The following STT3A variants were observed in gnomAD, a reference collection of about 807,000 sequenced individuals.
STT3A encodes the protein STT3 oligosaccharyltransferase complex catalytic subunit A.
Under a neutral mutation model 89.2 loss-of-function variants are expected in STT3A, and 34 were observed. The ratio of observed to expected loss-of-function variants is 0.38; its 90% CI spans 0.29 to 0.51. STT3A has a LOEUF of 0.51. Ranked by LOEUF, STT3A falls within the 20% of genes least tolerant of loss-of-function variation. The pLI, the probability that STT3A is intolerant of heterozygous loss-of-function variation, is 0.89. For synonymous variants in STT3A, 282 were observed against 310.3 expected, an observed-to-expected ratio of 0.91 and a Z score of 0.96; for missense variants, 555 against 889.5, an observed-to-expected ratio of 0.62 and a Z score of 4.78.
rs1450562484 is a variant in STT3A at position 125,597,062 on chromosome 11, T to G, written c.92T>G (p.Phe31Cys). ...LILSMAAVLS[F>C]STRLFAVLRF... is the part of the protein sequence containing the mutation. ...ATTAACTCTCTGGTTTTTGCAGCCT[T>G]CTCCACTCGTCTGTTTGCTGTCCTG... The change falls in exon 3 of 18, where the codon TTC (phenylalanine) becomes TGC (cysteine). Residue 31 changes from phenylalanine to cysteine, a missense_variant. Coordinates refer to ENST00000392708, the MANE Select transcript of STT3A (RefSeq NM_152713.5). 6.2e-7 allele frequency: 1 copy of G among 1,613,976 alleles called. No individual in the cohort carries two copies. The highest frequency in any genetic ancestry group is 8.5e-7 in the Non-Finnish European group (1 of 1,180,024).
chr11:125,600,063 T>A (rs931846111), intron 3 of STT3A, among the ~76,000 whole-genome samples: 2 of 148,834 alleles, frequency 1.3e-5, no homozygotes, highest in Non-Finnish European at 3.0e-5. Context: ...TTATTAATTT[T>A]TTTTGAGATG....
intron 10 of STT3A, chr11:125,609,816 AT>A (rs1939949021): frequency 2.1e-6 from 1 of 466,272 alleles, no homozygotes; most frequent in Non-Finnish European, 3.7e-6. Flanking sequence ...TTCATTTGTC[AT>A]TTGTGTTATA....
chr11:125,593,616 G>T (rs754087700), intron 1 of STT3A: 28 of 152,232 alleles, frequency 1.8e-4, no homozygotes, highest in Non-Finnish European at 4.0e-4. Context: ...ACGCAGTGGT[G>T]TTAAGTTTGT....
chr11:125,599,719 TTTA>T, intron 3 of STT3A, among the ~76,000 whole-genome samples: 1 of 147,520 alleles, frequency 6.8e-6, no homozygotes, highest in Admixed American at 6.9e-5. Context: ...CTTCTTTATT[TTTA>T]TTTATTATTA....
chr11:125,602,242 G>T, intron 3 of STT3A, 61 bp from the exon 4 acceptor site: 1 of 1,575,868 alleles, frequency 6.3e-7, no homozygotes, highest in South Asian at 1.2e-5. Context: ...ATTTCTCAAT[G>T]GTGTATCCTG....
upstream of STT3A, chr11:125,592,715 A>T (rs191165114): frequency 3.8e-4 from 112 of 295,528 alleles, no homozygotes; most frequent in East Asian, 2.9e-3. Context: ...TGACCAATTA[A>T]AAACTTGAAT....
At chr11:125,617,002 T>A (rs1940199070) in intron 15 of STT3A, among the ~76,000 whole-genome samples, 1 of 152,156 alleles carries the variant, frequency 6.6e-6, no homozygotes, top group African/African-American at 2.4e-5. Context: ...CACTCTTCCA[T>A]TCATAGAGCT....
rs1940077032 is a variant in STT3A, at chr11:125,613,157, C to CATA, written c.1534_1535insATA (p.Leu512delinsHisIle). ...TGACTTCCGAGAAGCATATTATTGG[C>CATA]TTCGTCATAATACTCCAGAGGTGAA... On this transcript the variant is annotated protein_altering_variant, in exon 13 of 18. Transcript: ENST00000392708. The surrounding 1 kb of genome is among the most constrained non-coding windows in gnomAD (Gnocchi z 4.2). The CATA allele has an allele frequency of 6.2e-7, 1 of 1,612,594 alleles. No homozygotes were observed. The highest frequency in any genetic ancestry group is 8.5e-7 in the Non-Finnish European group (1 of 1,179,242).
At chr11:125,602,277 A>G (rs755606418) in intron 3 of STT3A, 26 bp from the exon 4 acceptor site, 3 of 1,604,910 alleles carry the variant, frequency 1.9e-6, no homozygotes, top group African/African-American at 2.7e-5. Context: ...CCACAAATTT[A>G]CAACAAAGTT....
In STT3A at chr11:125,619,992, CT is replaced by C; in HGVS notation, c.1964-14del. Reference sequence around the variant, plus strand: ...TTAGCACTGTAGAAAGAAGTGTGTTCTTTTTCATCCCTCTCTAGAGCGTCCT... The same window carrying C: ...TTAGCACTGTAGAAAGAAGTGTGTTCTTTTCATCCCTCTCTAGAGCGTCCT... On this transcript the variant is annotated intron_variant, in intron 16 of 17. Coordinates refer to ENST00000392708, the MANE Select transcript of STT3A (RefSeq NM_152713.5). The C allele has an allele frequency of 6.2e-7, 1 of 1,605,350 alleles. No homozygotes were observed. Among genetic ancestry groups the C allele is most frequent in the Non-Finnish European group, 8.5e-7 (1 of 1,173,012 alleles).
chr11:125,604,292 C>G, intron 6 of STT3A, 45 bp downstream of exon 6: 1 of 1,588,570 alleles, frequency 6.3e-7, no homozygotes. Context: ...ACCTCATTAT[C>G]CAACAGAGCT....
rs1940011672 is a variant in STT3A at position 125,611,424 on chromosome 11, G to T, written c.1118-4G>T. 1 of 1,612,930 alleles carries T rather than the reference G, an allele frequency of 6.2e-7. No homozygotes were observed. Among genetic ancestry groups the T allele is most frequent in the Non-Finnish European group, 8.5e-7 (1 of 1,179,268 alleles). Reference sequence around the variant, plus strand: ...CTGCTTATTTCTCCTTCCCTCTTTTGTAGTTGGCCTCTATTACTGCTTTAG... The same window carrying T: ...CTGCTTATTTCTCCTTCCCTCTTTTTTAGTTGGCCTCTATTACTGCTTTAG... On this transcript the variant is annotated splice_polypyrimidine_tract_variant and splice_region_variant and intron_variant, in intron 10 of 17. Transcript: ENST00000392708.
intron 12 of STT3A, 26 bp from the exon 13 acceptor site, chr11:125,612,963 A>C: frequency 6.2e-7 from 1 of 1,611,150 alleles, no homozygotes; most frequent in Non-Finnish European, 8.5e-7. Context: ...GGTTAACTAC[A>C]CAATTAATTC....
At chr11:125,612,904 C>T in intron 12 of STT3A, 85 bp from the exon 13 acceptor site, 1 of 1,534,096 alleles carries the variant, frequency 6.5e-7, no homozygotes, top group Non-Finnish European at 8.9e-7. Flanking sequence ...TCAATCTCAT[C>T]TATATGAATG....
In STT3A at chr11:125,605,628, G is replaced by A. The variant is rs1376549449; in HGVS notation, c.509-1G>A. 3 of 1,612,838 alleles carry A rather than the reference G, an allele frequency of 1.9e-6. No individual in the cohort carries two copies. The highest frequency in any genetic ancestry group is 2.5e-6 in the Non-Finnish European group (3 of 1,179,266). ...GAATTTTTGGTGTGTCCTTTCTGCA[G>A]GGATTGCCATCTTTTGCATGCTACT... On this transcript the variant is annotated splice_acceptor_variant, in intron 6 of 17. Coordinates refer to ENST00000392708, the MANE Select transcript of STT3A (RefSeq NM_152713.5). LOFTEE classifies it high-confidence loss of function.
intron 9 of STT3A, among the ~76,000 whole-genome samples, chr11:125,608,805 A>G (rs1409388678): frequency 1.3e-5 from 2 of 152,230 alleles, no homozygotes; most frequent in East Asian, 1.9e-4. Context: ...TGGATTCAGC[A>G]TAGCAGAAAA....
Position 125,614,283 on chromosome 11 carries a change from C to G in STT3A, c.1672-41C>G. On this transcript the variant is annotated intron_variant, in intron 14 of 17. Coordinates refer to ENST00000392708, the MANE Select transcript of STT3A (RefSeq NM_152713.5). This position sits in a 1 kb window ranked among gnomAD's most constrained non-coding sequence, Gnocchi z 4.9. Reference sequence around the variant, plus strand: ...GTGTCTGCATGAGGGGATCATATGACTTGGGATTTTGCTCTGAGAATTGTA... The same window carrying G: ...GTGTCTGCATGAGGGGATCATATGAGTTGGGATTTTGCTCTGAGAATTGTA... 1 of 1,613,328 alleles carries G rather than the reference C, an allele frequency of 6.2e-7. No homozygotes were observed. The highest frequency in any genetic ancestry group is 8.5e-7 in the Non-Finnish European group (1 of 1,179,362).
chr11:125,598,127 G>T (rs539713370), intron 3 of STT3A, among the ~76,000 whole-genome samples: 3 of 152,040 alleles, frequency 2.0e-5, no homozygotes, highest in Non-Finnish European at 2.9e-5. Flanking sequence ...CAGGAGAATC[G>T]CTTGAACGCA....
chr11:125,600,834 T>G (rs1939650861), intron 3 of STT3A, among the ~76,000 whole-genome samples: 1 of 152,228 alleles, frequency 6.6e-6, no homozygotes, highest in African/African-American at 2.4e-5. Flanking sequence ...TTGCCCAGTC[T>G]GGAGCACAGT....
Sources: allele counts gnomAD v4.1 joint callset (sites outside exome capture counted in the v4.1 genomes callset), GRCh38; gene constraint gnomAD v4.1.1; non-coding constraint Gnocchi (gnomAD v3.1); transcripts MANE v1.5; gene names NCBI Gene and HGNC (gene_info 2026-07-23, HGNC 2026-07-21).